Variants in MCCC1 observed in about 807,000 individuals in gnomAD.
The protein encoded by MCCC1 is methylcrotonoyl-CoA carboxylase subunit alpha, mitochondrial.
MCCC1 carries 64 observed loss-of-function variants against 83.8 expected under a neutral mutation model. The observed-to-expected ratio is 0.76, with a 90% CI of 0.62 to 0.94. The LOEUF (loss-of-function observed/expected upper bound fraction) is 0.94. MCCC1 is among the 40% of genes least tolerant of loss of function. MCCC1 has a pLI of 0.00. For missense variants in MCCC1, 807 were observed against 904.7 expected, an observed-to-expected ratio of 0.89 and a Z score of 1.39; for synonymous variants, 322 against 315.4, an observed-to-expected ratio of 1.02 and a Z score of -0.22.
intron 1 of MCCC1, among the ~76,000 whole-genome samples, chr3:183,111,326 G>A (rs1326883420): frequency 6.6e-6 from 1 of 151,910 alleles, no homozygotes; most frequent in East Asian, 1.9e-4. Flanking sequence ...TTGAGATGGA[G>A]TCTCACTCTG....
At chr3:183,082,838 A>G (rs1717612533) in intron 4 of MCCC1, among the ~76,000 whole-genome samples, 2 of 152,142 alleles carry the variant, frequency 1.3e-5, no homozygotes, top group South Asian at 4.1e-4. Context: ...ACAAAAAATT[A>G]GCTGGGCATA....
intron 3 of MCCC1, among the ~76,000 whole-genome samples, chr3:183,091,990 T>C (rs1378936067): frequency 1.3e-5 from 2 of 151,632 alleles, no homozygotes; most frequent in East Asian, 3.9e-4. Flanking sequence ...AGGCGGAGCT[T>C]GCAGTGAGTC....
intron 4 of MCCC1, among the ~76,000 whole-genome samples, chr3:183,081,738 G>T (rs1350981400): frequency 1.3e-5 from 2 of 152,172 alleles, no homozygotes; most frequent in Non-Finnish European, 2.9e-5. Flanking sequence ...GTCTGTAAAA[G>T]GTATAATTGC....
chr3:183,053,223 C>A (rs1429917180), intron 8 of MCCC1, among the ~76,000 whole-genome samples: 1 of 152,096 alleles, frequency 6.6e-6, no homozygotes, highest in East Asian at 1.9e-4. Flanking sequence ...GTAATCCCAA[C>A]ACTTTGGGAG....
Position 183,099,493 on chromosome 3 carries a change from C to G in MCCC1, c.-53G>C, listed in dbSNP as rs112372115. 1.6e-5 allele frequency: 25 copies of G among 1,557,900 alleles called. No individual in the cohort carries two copies. The highest frequency in any genetic ancestry group is 2.1e-5 in the Non-Finnish European group (24 of 1,151,528). On this transcript the variant is annotated 5_prime_UTR_variant, in exon 1 of 19. Transcript: ENST00000265594. ...TCCCCAGTACAGAGGCAGCTGCGTC[C>G]CACACGCCAAACCCGTTCCTCCACT...
chr3:183,102,043 CGCGAGGGTGT>C (rs1276633876), upstream of MCCC1, among the ~76,000 whole-genome samples: 3 of 152,142 alleles, frequency 2.0e-5, no homozygotes, highest in Non-Finnish European at 4.4e-5. Context: ...TAACACTCAC[CGCGAGGGTGT>C]GCAGCTTCAT....
chr3:183,097,008 C>T (rs1343871696), intron 1 of MCCC1, among the ~76,000 whole-genome samples: 3 of 152,130 alleles, frequency 2.0e-5, no homozygotes, highest in Non-Finnish European at 4.4e-5. Flanking sequence ...CTAGTGAAGA[C>T]AGAAGAAGGG....
chr3:183,094,999 C>T (rs930626901), intron 1 of MCCC1, among the ~76,000 whole-genome samples: 5 of 151,898 alleles, frequency 3.3e-5, no homozygotes, highest in Non-Finnish European at 2.9e-5. Context: ...CTCATTCTGC[C>T]CTGGCCAGGC....
intron 4 of MCCC1, among the ~76,000 whole-genome samples, chr3:183,085,691 C>G (rs1211221503): frequency 6.6e-6 from 1 of 151,448 alleles, no homozygotes; most frequent in African/African-American, 2.4e-5. Context: ...CCTCTCTCTG[C>G]TCCATCGTCT....
chr3:183,105,729 A>T (rs1018258762), intron 1 of MCCC1, among the ~76,000 whole-genome samples: 9 of 152,182 alleles, frequency 5.9e-5, no homozygotes, highest in Non-Finnish European at 1.2e-4. Context: ...TTACAAATAG[A>T]GCTGGGAAGG....
At chr3:183,039,246 GCATGATAAATAACAA>G in intron 11 of MCCC1, 111 bp from the exon 12 acceptor site, 1 of 1,017,106 alleles carries the variant, frequency 9.8e-7, no homozygotes, top group Non-Finnish European at 1.5e-6. Context: ...ATAAACCCCT[GCATGATAAATAACAA>G]CACAAATTTA....
At chr3:183,016,927 A>G (rs1429151763) in intron 18 of MCCC1, 1 of 364,450 alleles carries the variant, frequency 2.7e-6, no homozygotes, top group Admixed American at 4.2e-5. Context: ...ATTAGAAAAT[A>G]CCAACAGTTA....
At chr3:183,076,757 A>T (rs1717105761) in intron 4 of MCCC1, among the ~76,000 whole-genome samples, 1 of 152,220 alleles carries the variant, frequency 6.6e-6, no homozygotes, top group Non-Finnish European at 1.5e-5. Flanking sequence ...CATATACCAT[A>T]AACTCGGCCA....
At chr3:183,031,070 T>C (rs1713027121) in intron 14 of MCCC1, among the ~76,000 whole-genome samples, 1 of 152,226 alleles carries the variant, frequency 6.6e-6, no homozygotes, top group East Asian at 1.9e-4. Flanking sequence ...AGGTATCAAG[T>C]GTGGCACCTG....
At chr3:183,036,064 A>G (rs956966888) in intron 13 of MCCC1, among the ~76,000 whole-genome samples, 3 of 141,000 alleles carry the variant, frequency 2.1e-5, no homozygotes, top group Non-Finnish European at 3.0e-5. Context: ...CCTATGAGTG[A>G]GAACATGCGG....
rs760219026 is a variant in MCCC1 at position 183,113,864 on chromosome 3, AACC to A, written c.-102+1607_-102+1609del. On this transcript the variant is annotated intron_variant, in intron 1 of 17. Transcript: ENST00000492597. The stretch of plus-strand genomic sequence containing the variant: ...GGTGGGTCAAAAATACAGGCAAAAT[AACC>A]CAGGGCTTGCAACTGGCATCAGAAG... Among the ~76,000 whole-genome samples the A allele has an allele frequency of 2.2e-3, 338 of 152,254 alleles. 3 individuals carry two copies. Among genetic ancestry groups the A allele is most frequent in the Non-Finnish European group, 3.3e-3 (227 of 68,014 alleles).
At chr3:183,017,221 T>C (rs1711712890) in intron 18 of MCCC1, 45 bp downstream of exon 18, 1 of 1,535,268 alleles carries the variant, frequency 6.5e-7, no homozygotes, top group African/African-American at 1.4e-5. Context: ...TTAGGTATGA[T>C]TGCTCCCAAA....
Position 183,020,254 on chromosome 3 carries a change from A to G in MCCC1, c.1870-17T>C. 6.3e-7 allele frequency: 1 copy of G among 1,577,314 alleles called. No homozygotes were observed. The highest frequency in any genetic ancestry group is 1.1e-5 in the South Asian group (1 of 90,282). On this transcript the variant is annotated splice_polypyrimidine_tract_variant and intron_variant, in intron 16 of 18. Coordinates refer to ENST00000265594, the MANE Select transcript of MCCC1 (RefSeq NM_020166.5). The stretch of plus-strand genomic sequence containing the variant: ...ACTTCCTTCCTAGAAACAGAAAACA[A>G]ACTGAAAACCGAATCAACATCCTAT...
At chr3:183,080,105 GAGA>G (rs1717378047) in intron 4 of MCCC1, among the ~76,000 whole-genome samples, 1 of 152,286 alleles carries the variant, frequency 6.6e-6, no homozygotes, top group South Asian at 2.1e-4. Flanking sequence ...ACATGCCCTG[GAGA>G]CATTTTCCCC....
Sources: gnomAD v4.1 joint callset for allele counts (sites outside exome capture counted in the v4.1 genomes callset) on GRCh38, gnomAD v4.1.1 for gene constraint, MANE v1.5 for transcripts, NCBI Gene and HGNC (gene_info 2026-07-23, HGNC 2026-07-21) for gene names.